Variants in CDC20B observed in about 807,000 individuals in gnomAD.
The protein encoded by CDC20B is cell division cycle 20B.
Under a neutral mutation model 64.1 loss-of-function variants are expected in CDC20B, and 58 were observed. That is an observed-to-expected ratio of 0.90 (90% CI 0.73 to 1.13). CDC20B has a LOEUF of 1.13. Among genes scored for constraint, CDC20B ranks in the 50% most tolerant of loss-of-function variants. CDC20B has a pLI of 0.00. For missense variants in CDC20B, 597 were observed against 633.0 expected, an observed-to-expected ratio of 0.94 and a Z score of 0.61; for synonymous variants, 243 against 230.6, an observed-to-expected ratio of 1.05 and a Z score of -0.49.
intron 6 of CDC20B, among the ~76,000 whole-genome samples, chr5:55,128,834 T>C (rs1256198497): frequency 1.3e-5 from 2 of 152,240 alleles, no homozygotes; most frequent in African/African-American, 4.8e-5. Flanking sequence ...ATAATGCTTA[T>C]TATTTACACT....
intron 9 of CDC20B, among the ~76,000 whole-genome samples, chr5:55,122,307 T>C (rs1003503900): frequency 6.6e-6 from 1 of 152,152 alleles, no homozygotes; most frequent in African/African-American, 2.4e-5. Context: ...TCTCACTCTG[T>C]TGCCGAGGAT....
chr5:55,132,533 T>A (rs919600298), intron 6 of CDC20B, among the ~76,000 whole-genome samples: 22 of 152,226 alleles, frequency 1.4e-4, no homozygotes, highest in Admixed American at 9.8e-4. Flanking sequence ...ACACCACCCT[T>A]CTTTCTCCTG....
intron 2 of CDC20B, among the ~76,000 whole-genome samples, chr5:55,155,005 G>A (rs1028966365): frequency 9.9e-5 from 15 of 152,172 alleles, no homozygotes; most frequent in Non-Finnish European, 2.2e-4. Flanking sequence ...TTAAACTTCT[G>A]TTCCAGGATC....
chr5:55,117,718 C>T (rs1433860851), intron 11 of CDC20B, among the ~76,000 whole-genome samples: 1 of 152,166 alleles, frequency 6.6e-6, no homozygotes, highest in African/African-American at 2.4e-5. Context: ...ATGTCACCCA[C>T]TACAGATTTC....
At chr5:55,139,992 A>G (rs1041703147) in intron 5 of CDC20B, among the ~76,000 whole-genome samples, 3 of 152,164 alleles carry the variant, frequency 2.0e-5, no homozygotes, top group Non-Finnish European at 2.9e-5. Context: ...GCACCACTGC[A>G]CTCCAGCCTG....
At chr5:55,160,263 C>T (rs1258453729) in intron 2 of CDC20B, 2 of 1,613,662 alleles carry the variant, frequency 1.2e-6, no homozygotes, top group Non-Finnish European at 1.7e-6. Flanking sequence ...GTTTTGCTGT[C>T]TATAGTTCTA....
chr5:55,117,535 C>A (rs897369846), intron 11 of CDC20B, among the ~76,000 whole-genome samples: 1 of 152,030 alleles, frequency 6.6e-6, no homozygotes. Flanking sequence ...ATGGTCATGA[C>A]CCCCAGTTTG....
intron 2 of CDC20B, among the ~76,000 whole-genome samples, chr5:55,168,261 A>G (rs1474827981): frequency 6.6e-6 from 1 of 152,112 alleles, no homozygotes; most frequent in Non-Finnish European, 1.5e-5. Context: ...AGCTATCACT[A>G]TAATAGTGAC....
intron 5 of CDC20B, among the ~76,000 whole-genome samples, chr5:55,138,617 C>T (rs1214132995): frequency 6.7e-6 from 1 of 150,310 alleles, no homozygotes; most frequent in African/African-American, 2.5e-5. Context: ...GAGAGAAAAC[C>T]AAAGCAAAGG....
In CDC20B at chr5:55,140,305, A is replaced by G. The variant is rs1743296282; in HGVS notation, c.580+9T>C. The G allele has an allele frequency of 1.3e-6, 2 of 1,590,924 alleles. No homozygotes were observed. Among genetic ancestry groups the G allele is most frequent in the African/African-American group, 1.3e-5 (1 of 74,298 alleles). ...CGCAGGAAAGAAGGACAATGTCTTGATCCTGTACCTTTCCAAACACATTCG... is the reference window on the plus strand; with the variant it reads ...CGCAGGAAAGAAGGACAATGTCTTGGTCCTGTACCTTTCCAAACACATTCG... On this transcript the variant is annotated intron_variant, in intron 5 of 11. Coordinates refer to ENST00000381375, the MANE Select transcript of CDC20B (RefSeq NM_001170402.1).
At chr5:55,133,648 A>G in intron 5 of CDC20B, 120 bp from the exon 6 acceptor site, 1 of 477,612 alleles carries the variant, frequency 2.1e-6, no homozygotes, top group Non-Finnish European at 3.7e-6. Flanking sequence ...ATAAGTAGTC[A>G]TCATGATAAA....
At chr5:55,169,060 T>G (rs1744506256) in intron 2 of CDC20B, among the ~76,000 whole-genome samples, 1 of 152,238 alleles carries the variant, frequency 6.6e-6, no homozygotes, top group Non-Finnish European at 1.5e-5. Flanking sequence ...TAGTAGGTTT[T>G]ATTTTTATCA....
chr5:55,161,239 A>AT, intron 2 of CDC20B: 1 of 1,613,544 alleles, frequency 6.2e-7, no homozygotes, highest in East Asian at 2.2e-5. Context: ...GAGAACCTGC[A>AT]TTTAGATTTC....
intron 5 of CDC20B, among the ~76,000 whole-genome samples, chr5:55,134,562 G>A (rs996385591): frequency 1.3e-5 from 2 of 152,102 alleles, no homozygotes; most frequent in Non-Finnish European, 2.9e-5. Context: ...AGGAGTTTGA[G>A]ACCCACCTGG....
At chr5:55,172,292 T>G (rs1265572883) in intron 2 of CDC20B, 1 of 326,784 alleles carries the variant, frequency 3.1e-6, no homozygotes, top group Non-Finnish European at 5.7e-6. Flanking sequence ...GGAGTGCAAC[T>G]AGCAACTGTT....
chr5:55,148,401 A>G (rs1299273279), intron 2 of CDC20B, among the ~76,000 whole-genome samples: 3 of 152,202 alleles, frequency 2.0e-5, no homozygotes, highest in Non-Finnish European at 4.4e-5. Context: ...TGACCCAGCA[A>G]TATCACCTCT....
At chr5:55,147,839 A>T (rs1003656321) in intron 2 of CDC20B, among the ~76,000 whole-genome samples, 3 of 152,210 alleles carry the variant, frequency 2.0e-5, no homozygotes, top group Admixed American at 1.3e-4. Context: ...TCAAATCTGG[A>T]TATAAACAGC....
chr5:55,115,585 T>G (rs1359791284), intron 11 of CDC20B, among the ~76,000 whole-genome samples: 1 of 152,126 alleles, frequency 6.6e-6, no homozygotes, highest in Non-Finnish European at 1.5e-5. Flanking sequence ...AGCCTGAGGC[T>G]AGGAGAATGA....
chr5:55,170,638 C>T (rs769400214), intron 2 of CDC20B: 1 of 534,804 alleles, frequency 1.9e-6, no homozygotes, highest in African/African-American at 1.9e-5. Context: ...CAGAGCACTT[C>T]ATTGACAAGA....
Sources: allele counts gnomAD v4.1 joint callset (sites outside exome capture counted in the v4.1 genomes callset), GRCh38; gene constraint gnomAD v4.1.1; transcripts MANE v1.5; gene names NCBI Gene and HGNC (gene_info 2026-07-23, HGNC 2026-07-21).